Variants in PLCZ1 observed in about 807,000 individuals in gnomAD.
PLCZ1 encodes the protein 1-phosphatidylinositol 4,5-bisphosphate phosphodiesterase zeta-1.
A neutral mutation model predicts 76.8 loss-of-function variants in PLCZ1; 64 were observed. The observed-to-expected ratio is 0.83, with a 90% confidence interval of 0.68 to 1.03. The LOEUF (loss-of-function observed/expected upper bound fraction) is 1.03. Among genes scored for constraint, PLCZ1 ranks in the 50% least tolerant of loss-of-function variants. The pLI is 0.00. For synonymous variants in PLCZ1, 248 were observed against 230.8 expected (o/e 1.07, Z -0.68); for missense variants, 751 against 713.7 (o/e 1.05, Z -0.60).
chr12:18,692,707 C>A (rs1189693619), intron 12 of PLCZ1: 1 of 772,170 alleles, frequency 1.3e-6, no homozygotes, highest in Non-Finnish European at 2.1e-6. Flanking sequence ...CAAATACAGA[C>A]TTTGAATCAT....
chr12:18,701,786 C>A lies in PLCZ1; in HGVS notation c.865-10G>T, dbSNP rs1439660447. ...TTTTGAATTTTAGTGCCTAAGGAAA[C>A]AATTTGAGAGATACAATTACACATT... On this transcript the variant is annotated splice_polypyrimidine_tract_variant and intron_variant, in intron 7 of 14. Transcript: ENST00000266505. The A allele has an allele frequency of 1.3e-6, 2 of 1,591,010 alleles. No homozygotes were observed. Among genetic ancestry groups the A allele is most frequent in the Non-Finnish European group, 1.7e-6 (2 of 1,168,764 alleles).
At chr12:18,732,817 A>G (rs189663035) in intron 3 of PLCZ1, among the ~76,000 whole-genome samples, 1 of 152,094 alleles carries the variant, frequency 6.6e-6, no homozygotes, top group African/African-American at 2.4e-5. Flanking sequence ...TTTTTTCAGG[A>G]TGAGTAATAT....
chr12:18,737,842 G>T, intron 1 of PLCZ1, 90 bp downstream of exon 1: 1 of 279,386 alleles, frequency 3.6e-6, no homozygotes. Context: ...ACACCATTGT[G>T]ATTCCTGAAG....
chr12:18,681,600 TG>T (rs1199393190), downstream of PLCZ1, among the ~76,000 whole-genome samples: 1 of 151,966 alleles, frequency 6.6e-6, no homozygotes, highest in Non-Finnish European at 1.5e-5. Context: ...TGATAAATAA[TG>T]CAAATTTTAA....
Position 18,694,955 on chromosome 12 carries a change from G to A in PLCZ1, c.1416C>T (p.Asn472=), listed in dbSNP as rs754000851. The part of the protein sequence containing the change: ...HFLRESKSYF[N]PSNIKEGMPI... ...GCATACCCTCTTTTATGTTACTTGG[G>A]TTAAAGTATGATTTACTCTCTCTTA... Residue 472 remains asparagine (N), a synonymous_variant, in exon 12 of 15, where the codon AAC becomes AAT. Coordinates refer to ENST00000266505, the MANE Select transcript of PLCZ1 (RefSeq NM_033123.4). 1.1e-4 allele frequency: 172 copies of A among 1,604,412 alleles called. 1 individual carries two copies. Among genetic ancestry groups the A allele is most frequent in the Non-Finnish European group, 1.4e-4 (161 of 1,172,190 alleles).
intron 6 of PLCZ1, among the ~76,000 whole-genome samples, chr12:18,706,085 T>G (rs1202850624): frequency 6.6e-6 from 1 of 151,378 alleles, no homozygotes; most frequent in Non-Finnish European, 1.5e-5. Context: ...AAAAGAAAAT[T>G]AGCTAGGCGT....
chr12:18,737,278 C>A, intron 2 of PLCZ1, 83 bp downstream of exon 2: 2 of 1,469,008 alleles, frequency 1.4e-6, no homozygotes, highest in Non-Finnish European at 1.9e-6. Flanking sequence ...ATTCAGAACT[C>A]CTCGAAAAGA....
chr12:18,679,229 T>C (rs1181221992), downstream of PLCZ1, among the ~76,000 whole-genome samples: 1 of 152,000 alleles, frequency 6.6e-6, no homozygotes, highest in African/African-American at 2.4e-5. Context: ...AGTCCTTTGA[T>C]ATATATATAG....
Position 18,683,224 on chromosome 12 carries a change from ATT to A in PLCZ1, c.*13_*14del. The A allele has an allele frequency of 1.9e-6, 3 of 1,609,046 alleles. No homozygotes were observed. Among genetic ancestry groups the A allele is most frequent in the Non-Finnish European group, 2.6e-6 (3 of 1,175,930 alleles). ...TGCGATGCATAGCTAATGATATGTCATTTATCATTAGCTGTTATCTGACGTAC... is the reference window on the plus strand; with the variant it reads ...TGCGATGCATAGCTAATGATATGTCATATCATTAGCTGTTATCTGACGTAC... On this transcript the variant is annotated 3_prime_UTR_variant, in exon 15 of 15. Transcript: ENST00000266505.
At chr12:18,673,764 C>T in the PLCZ1 span, among the ~76,000 whole-genome samples, 2 of 152,196 alleles carry the variant, frequency 1.3e-5, no homozygotes, top group African/African-American at 4.8e-5. Flanking sequence ...CACTGCCACC[C>T]TCTTTCAGTA....
At chr12:18,653,411 C>T in the PLCZ1 span, among the ~76,000 whole-genome samples, 1 of 152,180 alleles carries the variant, frequency 6.6e-6, no homozygotes, top group Admixed American at 6.6e-5. Flanking sequence ...CTTGAATACT[C>T]TCAATGCAAT....
the PLCZ1 span, among the ~76,000 whole-genome samples, chr12:18,671,463 G>A: frequency 1.3e-5 from 2 of 151,968 alleles, no homozygotes; most frequent in African/African-American, 4.8e-5. Context: ...CAGAAAACCT[G>A]AACCTAAAGA....
the PLCZ1 span, among the ~76,000 whole-genome samples, chr12:18,648,686 C>A: frequency 1.3e-5 from 2 of 152,082 alleles, no homozygotes; most frequent in Non-Finnish European, 2.9e-5. Context: ...TATGCCTGGA[C>A]TCCAAGATCT....
the PLCZ1 span, chr12:18,647,756 C>G: frequency 8.9e-6 from 4 of 450,172 alleles, no homozygotes; most frequent in East Asian, 1.4e-4. Flanking sequence ...CTGACATTAA[C>G]CTATCTATTC....
intron 4 of PLCZ1, among the ~76,000 whole-genome samples, chr12:18,722,479 C>G (rs929892522): frequency 1.3e-5 from 2 of 151,998 alleles, no homozygotes; most frequent in Admixed American, 1.3e-4. Flanking sequence ...GTAGCCTAAA[C>G]CAACTTAAAG....
chr12:18,696,118 C>A lies in PLCZ1; in HGVS notation c.1291+32G>T, dbSNP rs1481040306. On this transcript the variant is annotated intron_variant, in intron 11 of 14. Transcript: ENST00000266505. The stretch of plus-strand genomic sequence containing the variant: ...AAAATGAATTCATTTTATGTTACTT[C>A]TGCAAACAACTCAATATCGTATATA... The A allele has an allele frequency of 3.5e-6, 4 of 1,132,192 alleles. No individual in the cohort carries two copies. In the Admixed American group the frequency reaches 7.1e-5, roughly 20 times the overall value. The allele number at this position is 1,132,192 out of a possible 1,614,324, so 70.1% of individuals were successfully genotyped here. A position where few individuals can be genotyped will look rare whatever the true frequency, so the allele number is the denominator to read the frequency against.
intron 13 of PLCZ1, among the ~76,000 whole-genome samples, chr12:18,686,596 C>T (rs768945166): frequency 3.3e-5 from 5 of 151,790 alleles, no homozygotes; most frequent in Non-Finnish European, 5.9e-5. Flanking sequence ...TGTCCTTGTC[C>T]CCAATCTCTA....
At chr12:18,687,903 C>T (rs1444365428) in intron 13 of PLCZ1, among the ~76,000 whole-genome samples, 186 bp downstream of exon 13, 2 of 151,928 alleles carry the variant, frequency 1.3e-5, no homozygotes, top group Non-Finnish European at 2.9e-5. Flanking sequence ...TCTGAAAATA[C>T]AGCTAAACAA....
chr12:18,664,651 T>C, the PLCZ1 span, among the ~76,000 whole-genome samples: 5 of 151,988 alleles, frequency 3.3e-5, no homozygotes, highest in Non-Finnish European at 7.4e-5. Flanking sequence ...GCCATCCCAT[T>C]ATTGGGTATA....
Sources: gnomAD v4.1 joint callset for allele counts (sites outside exome capture counted in the v4.1 genomes callset) on GRCh38, gnomAD v4.1.1 for gene constraint, MANE v1.5 for transcripts, NCBI Gene and HGNC (gene_info 2026-07-23, HGNC 2026-07-21) for gene names.